The following TNPO3 variants were observed in gnomAD, a reference collection of about 807,000 sequenced individuals.
TNPO3 encodes transportin-3.
In TNPO3, 65 loss-of-function variants were observed where a neutral mutation model predicts 122.8. The observed-to-expected ratio is 0.53, with a 90% CI of 0.43 to 0.65. TNPO3 has a LOEUF of 0.65. TNPO3 is among the 30% of genes least tolerant of loss of function. The probability of loss-of-function intolerance (pLI) is 0.00; values close to 1 mark genes in which losing one functional copy is unlikely to be tolerated. For missense variants in TNPO3, 850 were observed against 1,136.7 expected (o/e 0.75, Z 3.63); for synonymous variants, 372 against 411.2 (o/e 0.90, Z 1.15).
intron 4 of TNPO3, among the ~76,000 whole-genome samples, chr7:129,013,445 A>G (rs1218714283): frequency 6.6e-6 from 1 of 152,020 alleles, no homozygotes; most frequent in Non-Finnish European, 1.5e-5. Context: ...AAAAAAAAAA[A>G]AAAATTAAAA....
In TNPO3 at chr7:129,018,166, G is replaced by C; in HGVS notation, c.121-9C>G. On this transcript the variant is annotated splice_polypyrimidine_tract_variant and intron_variant, in intron 1 of 22. Coordinates refer to ENST00000265388, the MANE Select transcript of TNPO3 (RefSeq NM_012470.4). Reference sequence around the variant, plus strand: ...ATCTCCCATGCATGAACCTGAAAGCGTATTAGACAAAGATGTCTTAAAGAA... The same window carrying C: ...ATCTCCCATGCATGAACCTGAAAGCCTATTAGACAAAGATGTCTTAAAGAA... The C allele has an allele frequency of 6.2e-7, 1 of 1,613,358 alleles. No individual in the cohort carries two copies. The highest frequency in any genetic ancestry group is 8.5e-7 in the Non-Finnish European group (1 of 1,179,660).
rs553481631 is a variant in TNPO3 at position 128,957,300 on chromosome 7, T to C, written c.2727A>G (p.Lys909=). The C allele has an allele frequency of 6.2e-7, 1 of 1,614,100 alleles. No homozygotes were observed. The highest frequency in any genetic ancestry group is 1.7e-5 in the Admixed American group (1 of 60,014). ...AGTCTCGCAAGGCCCAGCAAACTTG[T>C]TTACATTCCTCAGCACTAGAAAAGA... ...HKQVTSAEEC[K]QVCWALRDFT... is the part of the protein sequence containing the mutation. The change falls in exon 22 of 23, where the codon AAA becomes AAG. Residue 909 remains lysine, a synonymous_variant. Transcript: ENST00000265388.
chr7:129,052,663 G>A (rs961313791), intron 1 of TNPO3, among the ~76,000 whole-genome samples: 2 of 152,140 alleles, frequency 1.3e-5, no homozygotes, highest in Non-Finnish European at 2.9e-5. Context: ...TAACCTCTTC[G>A]TAGAATATTA....
At chr7:128,984,307 G>T in intron 12 of TNPO3, 48 bp from the exon 13 acceptor site, 1 of 1,387,608 alleles carries the variant, frequency 7.2e-7, no homozygotes, top group Admixed American at 1.8e-5. Context: ...CTGAATTGAG[G>T]TAACTTAACT....
intron 1 of TNPO3, among the ~76,000 whole-genome samples, chr7:129,022,316 T>C (rs1457670630): frequency 1.3e-5 from 2 of 152,020 alleles, no homozygotes; most frequent in African/African-American, 4.8e-5. Flanking sequence ...CCCAGGAGTT[T>C]TGAGGTTATA....
intron 7 of TNPO3, among the ~76,000 whole-genome samples, chr7:128,997,872 C>T (rs879368688): frequency 9.9e-5 from 15 of 152,090 alleles, no homozygotes; most frequent in Non-Finnish European, 1.6e-4. Context: ...GAGTTTCATT[C>T]TGTTGCCCCA....
At chr7:129,033,451 A>C (rs938761398) in intron 1 of TNPO3, among the ~76,000 whole-genome samples, 1 of 152,200 alleles carries the variant, frequency 6.6e-6, no homozygotes, top group Non-Finnish European at 1.5e-5. Flanking sequence ...TCAGAAAATA[A>C]TATGTGTTAT....
In TNPO3 at chr7:129,035,954, T is replaced by TCTTTTC. The variant is rs150819043; in HGVS notation, c.121-17798_121-17797insGAAAAG. On this transcript the variant is annotated intron_variant, in intron 1 of 22. Coordinates refer to ENST00000265388, the MANE Select transcript of TNPO3 (RefSeq NM_012470.4). ...GTGTGTTTTTTCTTTTCTTTTCTTT[T>TCTTTTC]TTTTTTTTTTTTTTTTTGAGATGGA... Among the ~76,000 whole-genome samples the TCTTTTC allele has an allele frequency of 8.6e-4, 100 of 116,688 alleles. 1 individual carries two copies. Among genetic ancestry groups the TCTTTTC allele is most frequent in the Non-Finnish European group, 1.5e-3 (85 of 55,376 alleles). 76.6% of individuals were successfully genotyped at this position (116,688 alleles called of 152,430 possible).
At chr7:129,013,444 A>T (rs912055766) in intron 4 of TNPO3, among the ~76,000 whole-genome samples, 7 of 152,048 alleles carry the variant, frequency 4.6e-5, no homozygotes, top group African/African-American at 1.7e-4. Context: ...CAAAAAAAAA[A>T]AAAAATTAAA....
chr7:128,957,197 CA>C, intron 22 of TNPO3, 26 bp downstream of exon 22: 1 of 1,602,026 alleles, frequency 6.2e-7, no homozygotes, highest in Non-Finnish European at 8.6e-7. Context: ...ACAGTCCGGA[CA>C]AAAGCTGGGA....
chr7:129,034,885 ACT>A (rs1164724835), intron 1 of TNPO3, among the ~76,000 whole-genome samples: 1 of 130,374 alleles, frequency 7.7e-6, no homozygotes, highest in Non-Finnish European at 1.6e-5. Context: ...ACAGAGCGAG[ACT>A]CTGTCTCAAA....
chr7:128,982,130 T>C (rs1799685266), intron 14 of TNPO3, 118 bp downstream of exon 14: 2 of 774,488 alleles, frequency 2.6e-6, no homozygotes, highest in East Asian at 2.9e-5. Flanking sequence ...GCTTAATTAG[T>C]CTCCAAACAT....
intron 1 of TNPO3, 23 bp from the exon 2 acceptor site, chr7:129,018,180 T>C (rs747823713): frequency 7.5e-6 from 12 of 1,610,268 alleles, no homozygotes; most frequent in Admixed American, 6.7e-5. Context: ...TAGACAAAGA[T>C]GTCTTAAAGA....
intron 20 of TNPO3, among the ~76,000 whole-genome samples, chr7:128,967,719 T>C (rs1195738936): frequency 6.6e-6 from 1 of 151,958 alleles, no homozygotes; most frequent in South Asian, 2.1e-4. Flanking sequence ...CATATATACA[T>C]ATGCACACAT....
chr7:128,980,377 G>A lies in TNPO3; in HGVS notation c.1860-346C>T, dbSNP rs144058640. 1.3e-3 allele frequency among the ~76,000 whole-genome samples: 203 copies of A among 152,358 alleles called. 5 individuals are homozygous for A. Among genetic ancestry groups the A allele is most frequent in the Admixed American group, 0.012 (190 of 15,302 alleles). ...AATCCCAGCACTCTGGGAGGCCAAG[G>A]CGGGTAGATCACCTGAGTCCAGGAG... On this transcript the variant is annotated intron_variant, in intron 14 of 22. Coordinates refer to ENST00000265388, the MANE Select transcript of TNPO3 (RefSeq NM_012470.4).
rs758436476 is a variant in TNPO3, at chr7:128,974,945, G to C, written c.2196C>G (p.Thr732=). Residue 732 remains threonine, a synonymous_variant, in exon 18 of 23, where the codon ACC becomes ACG. Coordinates refer to ENST00000265388, the MANE Select transcript of TNPO3 (RefSeq NM_012470.4). ...CATTCTGCTGTTCTAGGAGCTGAAA[G>C]GTGGGGATGCACAGTGCCTAAAACA... is the stretch of plus-strand genomic sequence containing the variant. ...LDMLQALCIP[T]FQLLEQQNGL... is the part of the protein sequence containing the mutation. 3.7e-6 allele frequency: 6 copies of C among 1,614,052 alleles called. No homozygotes were observed. The highest frequency in any genetic ancestry group is 1.3e-5 in the African/African-American group (1 of 74,924).
intron 21 of TNPO3, among the ~76,000 whole-genome samples, chr7:128,966,540 T>C (rs996195821): frequency 5.3e-5 from 8 of 152,182 alleles, no homozygotes; most frequent in Non-Finnish European, 1.5e-5. Context: ...AAGGAAAATA[T>C]TCAGTAGAAG....
chr7:128,971,834 A>G (rs1203695913), intron 19 of TNPO3, among the ~76,000 whole-genome samples: 1 of 152,150 alleles, frequency 6.6e-6, no homozygotes, highest in Non-Finnish European at 1.5e-5. Context: ...AAGTTATTCC[A>G]ACTCTTTTTG....
intron 4 of TNPO3, among the ~76,000 whole-genome samples, chr7:129,011,336 A>G (rs1159318493): frequency 6.6e-6 from 1 of 152,104 alleles, no homozygotes; most frequent in Non-Finnish European, 1.5e-5. Flanking sequence ...TGTAAAAAGT[A>G]TCTTTTTTTG....
Sources: allele counts gnomAD v4.1 joint callset (sites outside exome capture counted in the v4.1 genomes callset), GRCh38; gene constraint gnomAD v4.1.1; transcripts MANE v1.5; gene names NCBI Gene and HGNC (gene_info 2026-07-23, HGNC 2026-07-21).